STAU2: variants seen among roughly 807,000 people sequenced by gnomAD.
STAU2 encodes staufen double-stranded RNA binding protein 2, also known as double-stranded RNA-binding protein Staufen homolog 2.
STAU2 carries 20 observed loss-of-function variants against 65.9 expected under a neutral mutation model. That is an observed-to-expected ratio of 0.30 (90% confidence interval 0.21 to 0.44). The LOEUF is 0.44. Ranked by LOEUF, STAU2 falls within the 20% of genes least tolerant of loss-of-function variation. The probability of loss-of-function intolerance (pLI) is 1.00; values close to 1 mark genes in which losing one functional copy is unlikely to be tolerated. For missense variants in STAU2, 558 were observed against 683.9 expected, an observed-to-expected ratio of 0.82 and a Z score of 2.05; for synonymous variants, 232 against 233.9, an observed-to-expected ratio of 0.99 and a Z score of 0.07.
chr8:73,731,346 G>A (rs1806056802), intron 3 of STAU2, among the ~76,000 whole-genome samples: 1 of 151,920 alleles, frequency 6.6e-6, no homozygotes, highest in Admixed American at 6.6e-5. Flanking sequence ...TAATCGCCTT[G>A]ATCTTCCCAA....
intron 3 of STAU2, among the ~76,000 whole-genome samples, chr8:73,737,017 A>C (rs1806479621): frequency 6.6e-6 from 1 of 152,132 alleles, no homozygotes; most frequent in South Asian, 2.1e-4. Context: ...GGTGTGCACC[A>C]CCATGACTGG....
At chr8:73,433,782 C>G (rs145959275) in intron 13 of STAU2, among the ~76,000 whole-genome samples, 2 of 151,950 alleles carry the variant, frequency 1.3e-5, no homozygotes, top group African/African-American at 4.9e-5. Flanking sequence ...GGATTACAGG[C>G]GTGAGCCACC....
At chr8:73,530,390 A>G (rs1805735070) in intron 13 of STAU2, among the ~76,000 whole-genome samples, 1 of 152,206 alleles carries the variant, frequency 6.6e-6, no homozygotes, top group Admixed American at 6.5e-5. Context: ...AGTCAGTACA[A>G]CTGGTCCAAT....
chr8:73,536,525 A>T (rs1806193515), intron 13 of STAU2, among the ~76,000 whole-genome samples: 1 of 152,176 alleles, frequency 6.6e-6, no homozygotes, highest in African/African-American at 2.4e-5. Flanking sequence ...CTTTCACCTT[A>T]CCAGACTGTA....
chr8:73,705,663 C>T (rs779907031), intron 4 of STAU2, among the ~76,000 whole-genome samples: 2 of 152,072 alleles, frequency 1.3e-5, no homozygotes, highest in African/African-American at 4.8e-5. Flanking sequence ...GGTATACTAA[C>T]TTGTTTCAGA....
intron 6 of STAU2, among the ~76,000 whole-genome samples, chr8:73,650,522 C>G (rs1815781540): frequency 6.6e-6 from 1 of 152,090 alleles, no homozygotes; most frequent in Admixed American, 6.6e-5. Context: ...TTAAAAGTCA[C>G]TCATCTATAT....
At chr8:73,541,492 A>T (rs1176762605) in intron 13 of STAU2, among the ~76,000 whole-genome samples, 36 of 152,214 alleles carry the variant, frequency 2.4e-4, no homozygotes, top group Admixed American at 2.4e-3. Flanking sequence ...GGAAGAAATG[A>T]TGATCCACAG....
chr8:73,645,342 CAT>C, intron 6 of STAU2, among the ~76,000 whole-genome samples: 1 of 152,198 alleles, frequency 6.6e-6, no homozygotes, highest in South Asian at 2.1e-4. Context: ...AATGAGAAAT[CAT>C]ATGATCAGTT....
chr8:73,635,957 G>C (rs1360533392), intron 6 of STAU2, among the ~76,000 whole-genome samples: 1 of 108,334 alleles, frequency 9.2e-6, no homozygotes, highest in Non-Finnish European at 1.8e-5. Context: ...CACACCCCTG[G>C]AACCAATTCA....
At chr8:73,509,633 AG>A in intron 13 of STAU2, among the ~76,000 whole-genome samples, 1 of 152,214 alleles carries the variant, frequency 6.6e-6, no homozygotes, top group East Asian at 1.9e-4. Context: ...GATATTAAAA[AG>A]GGTGATTACT....
intron 13 of STAU2, among the ~76,000 whole-genome samples, chr8:73,470,484 A>G (rs1819928585): frequency 6.6e-6 from 1 of 152,172 alleles, no homozygotes; most frequent in Admixed American, 6.5e-5. Flanking sequence ...GGGAAGGTGA[A>G]TCTAATTAAA....
chr8:73,712,459 G>T (rs1475754343), intron 3 of STAU2, among the ~76,000 whole-genome samples: 1 of 151,926 alleles, frequency 6.6e-6, no homozygotes, highest in African/African-American at 2.4e-5. Flanking sequence ...ATAATTGCAT[G>T]GATTGAATGA....
intron 3 of STAU2, among the ~76,000 whole-genome samples, chr8:73,719,081 G>C (rs1346081577): frequency 1.3e-5 from 2 of 152,184 alleles, no homozygotes; most frequent in East Asian, 3.8e-4. Context: ...TGGTTAAAGT[G>C]GACATCCCGT....
chr8:73,512,214 T>C (rs1822444948), intron 13 of STAU2, among the ~76,000 whole-genome samples: 1 of 152,216 alleles, frequency 6.6e-6, no homozygotes, highest in African/African-American at 2.4e-5. Flanking sequence ...TTTTCAAAAC[T>C]GTTTTAGCGA....
chr8:73,686,421 A>G (rs1818825282), intron 5 of STAU2, among the ~76,000 whole-genome samples: 1 of 152,070 alleles, frequency 6.6e-6, no homozygotes, highest in African/African-American at 2.4e-5. Flanking sequence ...GTGGTGGCAC[A>G]TGCCTGTAGT....
intron 5 of STAU2, among the ~76,000 whole-genome samples, chr8:73,687,383 T>TAATATAAATATAATTTATA (rs1818988149): frequency 8.7e-6 from 1 of 115,174 alleles, no homozygotes; most frequent in Non-Finnish European, 1.7e-5. Flanking sequence ...ATAATTTATA[T>TAATATAAATATAATTTATA]TTATAAAAAT....
chr8:73,552,171 T>C lies in STAU2; in HGVS notation c.1371A>G (p.Thr457=), dbSNP rs1371118250. The C allele has an allele frequency of 2.5e-6, 4 of 1,613,866 alleles. No homozygotes were observed. Among genetic ancestry groups the C allele is most frequent in the East Asian group, 4.5e-5 (2 of 44,880 alleles). The part of the protein sequence containing the change: ...PSSSFFSISP[T]SNSSATIARE... ...TGGCAATTGTAGCTGAACTATTCGA[T>C]GTGGGAGATATACTGAAGAAAGAGC... The change falls in exon 13 of 15, where the codon ACA becomes ACG. Residue 457 remains threonine (T), a synonymous_variant. Coordinates refer to ENST00000524300, the MANE Select transcript of STAU2 (RefSeq NM_001164380.2).
chr8:73,431,606 T>C (rs1211192776), intron 13 of STAU2, among the ~76,000 whole-genome samples: 5 of 152,246 alleles, frequency 3.3e-5, no homozygotes, highest in Admixed American at 6.5e-5. Flanking sequence ...ACAACTGTTT[T>C]GTGAGTAAAG....
intron 13 of STAU2, among the ~76,000 whole-genome samples, chr8:73,432,350 A>G (rs1817362850): frequency 6.6e-6 from 1 of 152,244 alleles, no homozygotes. Flanking sequence ...TCTGCAGTTG[A>G]GTATTCTCCT....
Sources: allele counts gnomAD v4.1 joint callset (sites outside exome capture counted in the v4.1 genomes callset), GRCh38; gene constraint gnomAD v4.1.1; transcripts MANE v1.5; gene names NCBI Gene and HGNC (gene_info 2026-07-23, HGNC 2026-07-21).